CPM: variants seen among roughly 807,000 people sequenced by gnomAD.
CPM encodes renal carboxypeptidase.
Under a neutral mutation model 46.4 loss-of-function variants are expected in CPM, and 35 were observed. The observed-to-expected ratio is 0.75, with a 90% CI of 0.58 to 1.00. The LOEUF is 1.00. CPM is among the 50% of genes least tolerant of loss of function. CPM has a pLI of 0.00. For synonymous variants in CPM, 195 were observed against 195.3 expected (o/e 1.00, Z 0.01); for missense variants, 422 against 530.4 (o/e 0.80, Z 2.01).
At chr12:68,865,640 T>A (rs60374752) in intron 7 of CPM, among the ~76,000 whole-genome samples, 17 of 96,342 alleles carry the variant, frequency 1.8e-4, no homozygotes, top group African/African-American at 5.8e-4. Flanking sequence ...ACACTCACAC[T>A]CTCTCTCTCT....
At chr12:68,956,598 A>T (rs1409547339) in intron 1 of CPM, among the ~76,000 whole-genome samples, 1 of 152,106 alleles carries the variant, frequency 6.6e-6, no homozygotes, top group African/African-American at 2.4e-5. Context: ...AATCATCACA[A>T]CCCATTGGCC....
intron 8 of CPM, among the ~76,000 whole-genome samples, chr12:68,857,805 G>T (rs1486370930): frequency 2.0e-5 from 3 of 152,130 alleles, no homozygotes; most frequent in Non-Finnish European, 1.5e-5. Context: ...TATTCTAAAG[G>T]TGTGGCTTAT....
At chr12:68,844,433 T>C in intron 5 of CPM, 1 of 228,254 alleles carries the variant, frequency 4.4e-6, no homozygotes, top group East Asian at 6.3e-5. Context: ...GTTCTCCCTG[T>C]CTTCTCTTAG....
In CPM at chr12:68,858,947, G is replaced by A; in HGVS notation, c.1065C>T (p.Leu355=). The A allele has an allele frequency of 6.6e-7, 1 of 1,510,728 alleles. No individual in the cohort carries two copies. The highest frequency in any genetic ancestry group is 8.9e-7 in the Non-Finnish European group (1 of 1,129,282). 93.6% of individuals were successfully genotyped at this position (1,510,728 alleles called of 1,614,324 possible). Reference sequence around the variant, plus strand: ...CATTTATTATATAAGACCCAGGCAAGAGAAGGAGATAATACTCTCCATATT... The same window carrying A: ...CATTTATTATATAAGACCCAGGCAAAAGAAGGAGATAATACTCTCCATATT... ...TNKYGEYYLL[L]LPGSYIINVT... Residue 355 remains leucine, a synonymous_variant, in exon 8 of 9, where the codon CTC becomes CTT. Transcript: ENST00000551568.
intron 3 of CPM, among the ~76,000 whole-genome samples, chr12:68,876,885 C>A (rs755122408): frequency 7.2e-6 from 1 of 139,020 alleles, no homozygotes; most frequent in East Asian, 2.2e-4. Context: ...TGTGTGTGCA[C>A]GCGCATGCGT....
intron 1 of CPM, among the ~76,000 whole-genome samples, chr12:68,955,505 G>C (rs944740794): frequency 1.5e-5 from 1 of 67,292 alleles, no homozygotes; most frequent in Non-Finnish European, 3.5e-5. Flanking sequence ...GTGTGGGGGT[G>C]GGGGGGGCAT....
chr12:68,885,727 G>A, intron 3 of CPM, 65 bp downstream of exon 3: 1 of 1,303,338 alleles, frequency 7.7e-7, no homozygotes, highest in Non-Finnish European at 1.1e-6. Context: ...CATTTATACA[G>A]AGCTCAAGAG....
chr12:68,951,720 G>T (rs1032293710), intron 1 of CPM, among the ~76,000 whole-genome samples: 2 of 152,208 alleles, frequency 1.3e-5, no homozygotes, highest in Non-Finnish European at 2.9e-5. Context: ...TGGAAACTGG[G>T]AGGTGCCAGA....
intron 2 of CPM, among the ~76,000 whole-genome samples, chr12:68,926,669 G>T (rs945182110): frequency 2.0e-5 from 3 of 151,822 alleles, no homozygotes; most frequent in South Asian, 2.1e-4. Context: ...CCATTAACTC[G>T]TCATTTAGCA....
intron 3 of CPM, among the ~76,000 whole-genome samples, chr12:68,876,907 T>C (rs939451013): frequency 0.055 from 6,721 of 121,742 alleles, 493 homozygotes; most frequent in African/African-American, 0.17. Flanking sequence ...TGTGTGTGTG[T>C]GTGTGTGTGT....
downstream of CPM, chr12:68,849,394 T>TG (rs1884548529): frequency 8.0e-6 from 1 of 124,606 alleles, no homozygotes; most frequent in African/African-American, 3.0e-5. Context: ...CTGGCCGTTT[T>TG]TTTTTTTGTT....
intron 1 of CPM, among the ~76,000 whole-genome samples, chr12:68,945,846 CTTTTTTTT>C (rs1170064808): frequency 4.4e-4 from 39 of 88,470 alleles, no homozygotes; most frequent in Middle Eastern, 8.1e-3. Flanking sequence ...TTCTTTCTTT[CTTTTTTTT>C]TTTTTTTTTT....
chr12:68,939,040 A>G lies in CPM; in HGVS notation c.-3-6200T>C, dbSNP rs1222530038. Among the ~76,000 whole-genome samples, 8 of 147,430 alleles carry G rather than the reference A, an allele frequency of 5.4e-5. 1 individual carries two copies. Among genetic ancestry groups the G allele is most frequent in the Non-Finnish European group, 8.9e-5 (6 of 67,180 alleles). On this transcript the variant is annotated intron_variant, in intron 1 of 8. Coordinates refer to the CPM transcript ENST00000546373. ...ATATAGATATTATGTACATACATCT[A>G]TAAGTATATACATAGATATATGTAC...
chr12:68,901,043 G>C (rs553854073), intron 2 of CPM, among the ~76,000 whole-genome samples: 1 of 152,190 alleles, frequency 6.6e-6, no homozygotes, highest in Non-Finnish European at 1.5e-5. Flanking sequence ...GAGGCTATGC[G>C]CGTGTGGGGA....
At chr12:68,941,170 C>CGT (rs370705580) in intron 1 of CPM, among the ~76,000 whole-genome samples, 10,447 of 140,506 alleles carry the variant, frequency 0.074, 579 homozygotes, top group African/African-American at 0.16. Context: ...GTGCTGAGTA[C>CGT]GTGTGTGTGT....
chr12:68,931,078 T>C (rs901405789), intron 2 of CPM, among the ~76,000 whole-genome samples: 3 of 152,220 alleles, frequency 2.0e-5, no homozygotes, highest in South Asian at 2.1e-4. Flanking sequence ...CCAACCTCTA[T>C]AATTTTGGAT....
chr12:68,907,087 C>T lies in CPM; in HGVS notation c.161-21198G>A, dbSNP rs117587036. 9.1e-3 allele frequency among the ~76,000 whole-genome samples: 1,385 copies of T among 152,296 alleles called. 12 individuals are homozygous for T. The highest frequency in any genetic ancestry group is 0.037 in the Middle Eastern group (11 of 294). On this transcript the variant is annotated intron_variant, in intron 2 of 8. Transcript: ENST00000551568. The stretch of plus-strand genomic sequence containing the variant: ...ATAGAGCTCACACTGTGACTGAGGT[C>T]AGAGGGCTGGGTGAGAGTGCTGCTT...
upstream of CPM, chr12:68,963,418 T>G (rs1429991744): frequency 6.6e-6 from 1 of 152,570 alleles, no homozygotes; most frequent in Non-Finnish European, 1.5e-5. Flanking sequence ...AAGGTTCCCA[T>G]GTACACATTA....
rs568473497 is a variant in CPM, at chr12:68,861,514, T to C, written c.941-2443A>G. On this transcript the variant is annotated intron_variant, in intron 7 of 8. Coordinates refer to ENST00000551568, the MANE Select transcript of CPM (RefSeq NM_198320.5). ...CATAAAAAATGAAGCAGAGCTATCA[T>C]TGAAACTGACATTACACAATTTTTT... Among the ~76,000 whole-genome samples the C allele has an allele frequency of 5.5e-4, 84 of 151,982 alleles. 1 individual carries two copies. In the South Asian group the frequency reaches 0.017, roughly 31 times the overall value.
Sources: allele counts gnomAD v4.1 joint callset (sites outside exome capture counted in the v4.1 genomes callset), GRCh38; gene constraint gnomAD v4.1.1; transcripts MANE v1.5; gene names NCBI Gene and HGNC (gene_info 2026-07-23, HGNC 2026-07-21).